Variants in ZNF609 observed in about 807,000 individuals in gnomAD.
ZNF609 encodes zinc finger protein 609.
ZNF609 carries 11 observed loss-of-function variants against 109.5 expected under a neutral mutation model. The ratio of observed to expected loss-of-function variants is 0.10; its 90% CI spans 0.06 to 0.17. The LOEUF is 0.17. ZNF609 is among the 10% of genes least tolerant of loss of function. ZNF609 has a pLI of 1.00. For missense variants in ZNF609, 1,559 were observed against 1,772.4 expected, an observed-to-expected ratio of 0.88 and a Z score of 2.16; for synonymous variants, 646 against 662.0, an observed-to-expected ratio of 0.98 and a Z score of 0.37.
intron 2 of ZNF609, among the ~76,000 whole-genome samples, chr15:64,563,769 T>C (rs1894727266): frequency 6.6e-6 from 1 of 150,506 alleles, no homozygotes; most frequent in East Asian, 1.9e-4. Context: ...AGCGAAACTC[T>C]GTCTCAAAAC....
intron 3 of ZNF609, among the ~76,000 whole-genome samples, chr15:64,642,712 C>T (rs918390759): frequency 3.9e-5 from 6 of 152,108 alleles, no homozygotes; most frequent in Admixed American, 1.3e-4. Context: ...GAGGATCTCT[C>T]GAATCTGGGA....
At chr15:64,490,368 G>A (rs1443238964) in intron 1 of ZNF609, among the ~76,000 whole-genome samples, 1 of 151,286 alleles carries the variant, frequency 6.6e-6, no homozygotes, top group South Asian at 2.1e-4. Context: ...CCACCTCGCG[G>A]GTTCAAGTGA....
intron 1 of ZNF609, among the ~76,000 whole-genome samples, chr15:64,493,459 G>A (rs1893441792): frequency 6.6e-6 from 1 of 152,132 alleles, no homozygotes; most frequent in African/African-American, 2.4e-5. Flanking sequence ...ATGTTATTAT[G>A]ATATGTTTTT....
intron 2 of ZNF609, among the ~76,000 whole-genome samples, chr15:64,516,342 A>G (rs1893808672): frequency 6.6e-6 from 1 of 152,172 alleles, no homozygotes; most frequent in Non-Finnish European, 1.5e-5. Flanking sequence ...TGAGTTAAGC[A>G]GAAACCTCAT....
intron 2 of ZNF609, among the ~76,000 whole-genome samples, chr15:64,529,953 C>A (rs1894034070): frequency 6.6e-6 from 1 of 151,786 alleles, no homozygotes; most frequent in Admixed American, 6.6e-5. Context: ...TGGTCTTGAA[C>A]TGCCGACCTC....
At chr15:64,586,528 G>A (rs1432925579) in intron 2 of ZNF609, among the ~76,000 whole-genome samples, 1 of 151,992 alleles carries the variant, frequency 6.6e-6, no homozygotes, top group African/African-American at 2.4e-5. Context: ...TCATAGGAGC[G>A]GGAACCCTAT....
chr15:64,542,451 C>T (rs749471686), intron 2 of ZNF609, among the ~76,000 whole-genome samples: 30 of 152,202 alleles, frequency 2.0e-4, no homozygotes, highest in Non-Finnish European at 3.1e-4. Flanking sequence ...CTCTCATCAT[C>T]ATATGGAACT....
intron 1 of ZNF609, among the ~76,000 whole-genome samples, chr15:64,468,138 T>TC (rs1893040080): frequency 6.6e-6 from 1 of 151,828 alleles, no homozygotes; most frequent in Non-Finnish European, 1.5e-5. Context: ...TACCTCAGCC[T>TC]CCCAAGCAGT....
At chr15:64,582,654 A>G (rs1321543736) in intron 2 of ZNF609, among the ~76,000 whole-genome samples, 1 of 151,254 alleles carries the variant, frequency 6.6e-6, no homozygotes, top group East Asian at 1.9e-4. Context: ...CATTAAGTTC[A>G]CAATCATTAG....
chr15:64,592,743 C>T (rs1895322255), intron 2 of ZNF609, among the ~76,000 whole-genome samples: 1 of 133,546 alleles, frequency 7.5e-6, no homozygotes, highest in Non-Finnish European at 1.6e-5. Flanking sequence ...ATGATGAAAC[C>T]CCATTTCTAC....
intron 2 of ZNF609, among the ~76,000 whole-genome samples, chr15:64,582,458 C>T (rs1350567990): frequency 6.6e-6 from 1 of 152,212 alleles, no homozygotes; most frequent in Non-Finnish European, 1.5e-5. Flanking sequence ...TGAATCACCA[C>T]TGTTTGTACT....
At chr15:64,673,209 A>G (rs948515776) in intron 4 of ZNF609, among the ~76,000 whole-genome samples, 4 of 152,222 alleles carry the variant, frequency 2.6e-5, no homozygotes, top group South Asian at 4.1e-4. Context: ...CTTTTCTGCA[A>G]TAGCTATGGT....
chr15:64,552,797 T>G (rs1894505009), intron 2 of ZNF609, among the ~76,000 whole-genome samples: 1 of 152,094 alleles, frequency 6.6e-6, no homozygotes, highest in Non-Finnish European at 1.5e-5. Context: ...TACAGGCACA[T>G]GCAACCGTGC....
At chr15:64,488,723 T>A (rs1813925105) in intron 1 of ZNF609, among the ~76,000 whole-genome samples, 1 of 152,122 alleles carries the variant, frequency 6.6e-6, no homozygotes, top group Non-Finnish European at 1.5e-5. Flanking sequence ...ATGAAGGCAA[T>A]TCCTTGTCTG....
In ZNF609 at chr15:64,579,469, G is replaced by A. The variant is rs1055286185; in HGVS notation, c.748-43358G>A. ...GGCTCACACCTGAAATCCCAGGTGCGGGAGGCCTAGGCAGGTGGATCATTT... is the reference window on the plus strand; with the variant it reads ...GGCTCACACCTGAAATCCCAGGTGCAGGAGGCCTAGGCAGGTGGATCATTT... On this transcript the variant is annotated intron_variant, in intron 2 of 9. Coordinates refer to ENST00000326648, the MANE Select transcript of ZNF609 (RefSeq NM_015042.2). Among the ~76,000 whole-genome samples the A allele has an allele frequency of 2.0e-4, 30 of 151,658 alleles. No individual in the cohort carries two copies. In the East Asian group the frequency reaches 5.2e-3, roughly 26 times the overall value.
chr15:64,641,374 C>T (rs1395175337), intron 3 of ZNF609, among the ~76,000 whole-genome samples: 21 of 151,598 alleles, frequency 1.4e-4, no homozygotes, highest in African/African-American at 3.9e-4. Flanking sequence ...TGCACCACCA[C>T]GCCCGGCTAA....
At chr15:64,577,953 A>G (rs7183698) in intron 2 of ZNF609, among the ~76,000 whole-genome samples, 1 of 151,450 alleles carries the variant, frequency 6.6e-6, no homozygotes, top group Non-Finnish European at 1.5e-5. Flanking sequence ...CCAGGAGTTC[A>G]AGACTAGCCT....
intron 2 of ZNF609, among the ~76,000 whole-genome samples, chr15:64,544,185 C>T (rs1031679790): frequency 4.6e-5 from 7 of 152,064 alleles, no homozygotes; most frequent in African/African-American, 1.4e-4. Context: ...TTAAAAAATA[C>T]AAAAATTAGC....
At position 64,674,811 on chromosome 15, in the gene ZNF609, C is replaced by G. The variant is rs1278811800; in HGVS notation, c.1957C>G (p.Leu653Val). Residue 653 changes from leucine to valine, a missense_variant, in exon 5 of 10, where the codon CTA (leucine) becomes GTA (valine). Leu to Val is a conservative substitution (Grantham distance 32). Around this residue, in one of 4 missense-constraint regions of ZNF609, gnomAD observed 1,204 missense variants for 1,314.1 expected, o/e 0.92. Coordinates refer to ENST00000326648, the MANE Select transcript of ZNF609 (RefSeq NM_015042.2). ...LKPEKIPSKS[L>V]KSARPIAPAI... The stretch of plus-strand genomic sequence containing the variant: ...ACCTGAAAAGATTCCTTCCAAGAGC[C>G]TAAAGTCAGCCCGTCCCATTGCCCC... 10 of 1,614,102 alleles carry G rather than the reference C, an allele frequency of 6.2e-6. No individual in the cohort carries two copies. The highest frequency in any genetic ancestry group is 3.3e-4 in the Middle Eastern group (2 of 6,062).
Sources: gnomAD v4.1 joint callset for allele counts (sites outside exome capture counted in the v4.1 genomes callset) on GRCh38, gnomAD v4.1.1 for gene constraint, gnomAD v4.1.1 regional missense constraint, MANE v1.5 for transcripts, NCBI Gene and HGNC (gene_info 2026-07-23, HGNC 2026-07-21) for gene names.